The following FGR variants were observed in gnomAD, a reference collection of about 807,000 sequenced individuals.
FGR encodes FGR proto-oncogene, Src family tyrosine kinase, also known as tyrosine-protein kinase Fgr.
A neutral mutation model predicts 63.2 loss-of-function variants in FGR; 26 were observed. The observed-to-expected ratio is 0.41, with a 90% CI of 0.30 to 0.57. FGR has a LOEUF of 0.57. Ranked by LOEUF, FGR falls within the 20% of genes least tolerant of loss-of-function variation. FGR has a pLI of 0.27. For missense variants in FGR, 511 were observed against 690.8 expected, an observed-to-expected ratio of 0.74 and a Z score of 2.92; for synonymous variants, 286 against 277.7, an observed-to-expected ratio of 1.03 and a Z score of -0.30.
chr1:27,621,079 C>A (rs2089917213), intron 5 of FGR, among the ~76,000 whole-genome samples: 1 of 150,716 alleles, frequency 6.6e-6, no homozygotes, highest in Non-Finnish European at 1.5e-5. Flanking sequence ...AAATTCTTGC[C>A]TCCTTAATAG....
chr1:27,630,092 G>A (rs1436487665), intron 1 of FGR, among the ~76,000 whole-genome samples: 1 of 152,046 alleles, frequency 6.6e-6, no homozygotes, highest in East Asian at 1.9e-4. Context: ...TCACTCTGTT[G>A]CCCAGGCTGG....
At position 27,613,236 on chromosome 1, in the gene FGR, C is replaced by A; in HGVS notation, c.1364G>T (p.Gly455Val). ...AGGCAAACCTGGGTAGGGGATTCGG[C>A]CCTTGGTGATGAGCTCAGTGAGCAG... ...GILLTELITKGRIPYPGMNKR... is the reference protein window; with the variant it reads ...GILLTELITKVRIPYPGMNKR... The change falls in exon 12 of 13, where the codon GGC becomes GTC. Residue 455 changes from glycine (G) to valine (V), a missense_variant. By Grantham distance (109) the Gly-to-Val change is moderately radical. Coordinates refer to ENST00000374005, the MANE Select transcript of FGR (RefSeq NM_005248.3). The A allele has an allele frequency of 6.2e-7, 1 of 1,614,054 alleles. No individual in the cohort carries two copies. The highest frequency in any genetic ancestry group is 8.5e-7 in the Non-Finnish European group (1 of 1,179,892).
At position 27,615,423 on chromosome 1, in the gene FGR, C is replaced by G; in HGVS notation, c.1018+11G>C. ...CCCCGAATCCCGCCCGACCAGGCTC[C>G]GCCTCCTGACCGTGACACATGAACT... On this transcript the variant is annotated intron_variant, in intron 9 of 12. Transcript: ENST00000374005. The surrounding 1 kb of genome is among the most constrained non-coding windows in gnomAD (Gnocchi z 7.6). 2 of 1,592,474 alleles carry G rather than the reference C, an allele frequency of 1.3e-6. No homozygotes were observed. The highest frequency in any genetic ancestry group is 1.7e-6 in the Non-Finnish European group (2 of 1,162,406).
Position 27,615,499 on chromosome 1 carries a change from AGCTT to A in FGR, c.949_952del (p.Lys317TrpfsTer16). 6.2e-7 allele frequency: 1 copy of A among 1,613,738 alleles called. No individual in the cohort carries two copies. The highest frequency in any genetic ancestry group is 1.7e-5 in the Admixed American group (1 of 60,002). ...CGACACCACGGCGTACAGCTGCACC[AGCTT>A]GTCGTGCCGCAGCAGCTTCATGACC... is the stretch of plus-strand genomic sequence containing the variant. On this transcript the variant is annotated frameshift_variant, in exon 9 of 13. Transcript: ENST00000374005. LOFTEE classifies it high-confidence loss of function. This position sits in a 1 kb window ranked among gnomAD's most constrained non-coding sequence, Gnocchi z 7.6.
Position 27,620,647 on chromosome 1 carries a change from G to T in FGR, c.428+912C>A, listed in dbSNP as rs186101763. On this transcript the variant is annotated intron_variant, in intron 5 of 12. Transcript: ENST00000374005. Reference sequence around the variant, plus strand: ...AAACTAATAATATAACGGTGTTATTGTGAGAATTAAGTGAACCAAGGAGAT... The same window carrying T: ...AAACTAATAATATAACGGTGTTATTTTGAGAATTAAGTGAACCAAGGAGAT... Among the ~76,000 whole-genome samples the T allele has an allele frequency of 2.7e-4, 41 of 152,022 alleles. 1 individual carries two copies. The East Asian group carries it at 3.9e-3, about 14-fold the overall frequency.
Position 27,615,872 on chromosome 1 carries a change from A to G in FGR, c.683-28T>C. The G allele has an allele frequency of 6.5e-7, 1 of 1,545,580 alleles. No homozygotes were observed. Among genetic ancestry groups the G allele is most frequent in the Non-Finnish European group, 8.8e-7 (1 of 1,139,964 alleles). ...AGGGGAGGGGTCATGAAGTAGAGTC[A>G]CAGGTGGGCCAGGACACCCCCCTCC... On this transcript the variant is annotated intron_variant, in intron 7 of 12. Transcript: ENST00000374005. This position sits in a 1 kb window ranked among gnomAD's most constrained non-coding sequence, Gnocchi z 7.6.
intron 1 of FGR, among the ~76,000 whole-genome samples, chr1:27,632,683 CAG>C (rs2090122459): frequency 6.6e-6 from 1 of 151,970 alleles, no homozygotes; most frequent in Non-Finnish European, 1.5e-5. Flanking sequence ...CTCTAAAACA[CAG>C]CTCTTTAGAT....
intron 1 of FGR, among the ~76,000 whole-genome samples, chr1:27,632,773 G>A (rs1470409081): frequency 6.6e-6 from 1 of 152,162 alleles, no homozygotes; most frequent in African/African-American, 2.4e-5. Flanking sequence ...GGGCAGCCAA[G>A]GGATGGGAGT....
chr1:27,631,640 G>A (rs1430977168), intron 1 of FGR, among the ~76,000 whole-genome samples: 2 of 152,212 alleles, frequency 1.3e-5, no homozygotes, highest in Non-Finnish European at 2.9e-5. Flanking sequence ...GAAAGCATCA[G>A]ACATACAGTA....
chr1:27,629,338 C>G (rs2090071662), intron 1 of FGR, among the ~76,000 whole-genome samples: 1 of 152,154 alleles, frequency 6.6e-6, no homozygotes, highest in Admixed American at 6.5e-5. Flanking sequence ...GTGGAAGAGA[C>G]ACACAGAATG....
chr1:27,621,582 A>T lies in FGR; in HGVS notation c.405T>A (p.Pro135=). 1 of 1,613,826 alleles carries T rather than the reference A, an allele frequency of 6.2e-7. No homozygotes were observed. Among genetic ancestry groups the T allele is most frequent in the Non-Finnish European group, 8.5e-7 (1 of 1,179,872 alleles). The change falls in exon 5 of 13, where the codon CCT becomes CCA. Residue 135 remains proline, a synonymous_variant. Coordinates refer to ENST00000374005, the MANE Select transcript of FGR (RefSeq NM_005248.3). ...ACTCTTCAGCTTGGATTGAGTCAACAGGGGCCACGTAGTTGCTGGGAATGC... is the reference window on the plus strand; with the variant it reads ...ACTCTTCAGCTTGGATTGAGTCAACTGGGGCCACGTAGTTGCTGGGAATGC... The part of the protein sequence containing the change: ...TGCIPSNYVA[P]VDSIQAEEWY...
chr1:27,622,759 G>A (rs1336206981), intron 4 of FGR, among the ~76,000 whole-genome samples: 2 of 152,176 alleles, frequency 1.3e-5, no homozygotes, highest in Admixed American at 6.5e-5. Flanking sequence ...ACCCGCCTTG[G>A]CCTCCCAAAG....
Position 27,621,232 on chromosome 1 carries a change from C to T in FGR, c.428+327G>A, listed in dbSNP as rs944974258. On this transcript the variant is annotated intron_variant, in intron 5 of 12. Transcript: ENST00000374005. ...ACTATCTGGGTTCATACATCAGCTC[C>T]ACCACTCACTAGCCATGTGAACTTG... Among the ~76,000 whole-genome samples, 5 of 152,082 alleles carry T rather than the reference C, an allele frequency of 3.3e-5. No homozygotes were observed. In the East Asian group the frequency reaches 5.8e-4, roughly 18 times the overall value.
intron 4 of FGR, among the ~76,000 whole-genome samples, chr1:27,622,517 T>C (rs1473366280): frequency 6.6e-6 from 1 of 151,964 alleles, no homozygotes; most frequent in Non-Finnish European, 1.5e-5. Flanking sequence ...TATTTATTTA[T>C]TTTTTTGAAA....
At chr1:27,626,047 T>G (rs1421042490) in intron 1 of FGR, 2 of 398,656 alleles carry the variant, frequency 5.0e-6, no homozygotes, top group Middle Eastern at 1.2e-3. Context: ...GATACCTACC[T>G]CCGGAGCTCT....
rs530552875 is a variant in FGR, at chr1:27,617,355, C to T, written c.429-59G>A. On this transcript the variant is annotated intron_variant, in intron 5 of 12. Transcript: ENST00000374005. This position sits in a 1 kb window ranked among gnomAD's most constrained non-coding sequence, Gnocchi z 4.5. The stretch of plus-strand genomic sequence containing the variant: ...TCTGCTCAAACCTCACCTCAGCCTC[C>T]TGCACAGTCACCTCACAAGCCAAGA... 4.9e-6 allele frequency: 6 copies of T among 1,226,512 alleles called. No individual in the cohort carries two copies. The highest frequency in any genetic ancestry group is 4.7e-5 in the East Asian group (2 of 42,794). 76.0% of individuals were successfully genotyped at this position (1,226,512 alleles called of 1,614,324 possible).
intron 10 of FGR, 24 bp from the exon 11 acceptor site, chr1:27,614,607 A>G: frequency 6.2e-7 from 1 of 1,611,284 alleles, no homozygotes; most frequent in Non-Finnish European, 8.5e-7. Flanking sequence ...GTGTGGAGAG[A>G]TGGGAGCTCA....
At position 27,615,641 on chromosome 1, in the gene FGR, C is replaced by G; in HGVS notation, c.839-28G>C. 1.9e-6 allele frequency: 3 copies of G among 1,596,800 alleles called. No homozygotes were observed. The highest frequency in any genetic ancestry group is 2.6e-6 in the Non-Finnish European group (3 of 1,166,310). ...GCTCGGAGGCTGTCTTGTCAGGACCCTCTCCCCCGAGCCCAGGCCCTCGTC... is the reference window on the plus strand; with the variant it reads ...GCTCGGAGGCTGTCTTGTCAGGACCGTCTCCCCCGAGCCCAGGCCCTCGTC... On this transcript the variant is annotated intron_variant, in intron 8 of 12. Coordinates refer to ENST00000374005, the MANE Select transcript of FGR (RefSeq NM_005248.3). This position sits in a 1 kb window ranked among gnomAD's most constrained non-coding sequence, Gnocchi z 7.6.
At chr1:27,635,040 G>A (rs1200278611) in intron 1 of FGR, 25 bp downstream of exon 1, 1 of 152,204 alleles carries the variant, frequency 6.6e-6, no homozygotes, top group Non-Finnish European at 1.5e-5. Context: ...GACCTGCCCA[G>A]TCCCCACCCG....
Sources: gnomAD v4.1 joint callset for allele counts (sites outside exome capture counted in the v4.1 genomes callset) on GRCh38, gnomAD v4.1.1 for gene constraint, Gnocchi (gnomAD v3.1) non-coding constraint, MANE v1.5 for transcripts, NCBI Gene and HGNC (gene_info 2026-07-23, HGNC 2026-07-21) for gene names.